PSMG2: variants seen among roughly 807,000 people sequenced by gnomAD.
PSMG2 encodes the protein proteasome assembly chaperone 2.
A neutral mutation model predicts 31.5 loss-of-function variants in PSMG2; 21 were observed. That is an observed-to-expected ratio of 0.67 (90% CI 0.47 to 0.96). The LOEUF is 0.96. Among genes scored for constraint, PSMG2 ranks in the 40% least tolerant of loss-of-function variants. PSMG2 has a pLI of 0.00. For missense variants in PSMG2, 318 were observed against 321.2 expected (o/e 0.99, Z 0.08); for synonymous variants, 120 against 110.4 (o/e 1.09, Z -0.54).
intron 1 of PSMG2, among the ~76,000 whole-genome samples, chr18:12,680,248 A>T (rs1210544446): frequency 6.6e-6 from 1 of 152,136 alleles, no homozygotes; most frequent in Non-Finnish European, 1.5e-5. Flanking sequence ...AAAATCATCA[A>T]CACGTACCTT....
At chr18:12,722,940 C>T (rs753512876) in intron 5 of PSMG2, among the ~76,000 whole-genome samples, 2 of 152,164 alleles carry the variant, frequency 1.3e-5, no homozygotes, top group East Asian at 1.9e-4. Context: ...TCACAGCAGA[C>T]GCATTTAGGA....
At chr18:12,702,838 GC>G (rs2040206070), upstream of PSMG2, 2 of 562,788 alleles carry the variant, frequency 3.6e-6, no homozygotes, top group South Asian at 2.3e-5. Flanking sequence ...CTCCCCGCGG[GC>G]CCCGCACCCC....
intron 1 of PSMG2, among the ~76,000 whole-genome samples, chr18:12,674,325 C>G (rs2039042767): frequency 1.3e-5 from 2 of 151,744 alleles, no homozygotes; most frequent in African/African-American, 4.8e-5. Context: ...GCCTGTGGTC[C>G]CAGTTGCCTG....
At chr18:12,686,781 C>G (rs1373248656) in intron 1 of PSMG2, 1 of 177,642 alleles carries the variant, frequency 5.6e-6, no homozygotes, top group Admixed American at 5.7e-5. Context: ...GAGAGGTGCT[C>G]TAAGCTGAAG....
At chr18:12,674,558 G>T in intron 1 of PSMG2, 2 of 1,613,480 alleles carry the variant, frequency 1.2e-6, no homozygotes, top group South Asian at 1.1e-5. Flanking sequence ...GCAAATGCAC[G>T]TCTTGCATTT....
At chr18:12,709,871 G>C (rs1279736746) in intron 2 of PSMG2, among the ~76,000 whole-genome samples, 3 of 150,468 alleles carry the variant, frequency 2.0e-5, no homozygotes, top group African/African-American at 7.3e-5. Context: ...CCTGACCTCA[G>C]GCAGTTCACC....
intron 1 of PSMG2, among the ~76,000 whole-genome samples, chr18:12,669,654 A>T (rs2038889814): frequency 6.6e-6 from 1 of 152,224 alleles, no homozygotes; most frequent in South Asian, 2.1e-4. Context: ...TACATTTTTA[A>T]TTGAAAAACA....
intron 4 of PSMG2, 32 bp downstream of exon 4, chr18:12,718,667 GT>G (rs1320412845): frequency 4.0e-6 from 6 of 1,498,240 alleles, no homozygotes; most frequent in Admixed American, 1.8e-5. Flanking sequence ...GTTATTTTTG[GT>G]ATGGTTTATA....
intron 1 of PSMG2, among the ~76,000 whole-genome samples, chr18:12,687,906 G>T (rs9954201): frequency 6.6e-6 from 1 of 151,948 alleles, no homozygotes; most frequent in Non-Finnish European, 1.5e-5. Context: ...AATATTAAAA[G>T]AATATCCTCA....
rs1031339650 is a variant in PSMG2, at chr18:12,724,931, C to G, written c.702+312C>G. ...TAATAAACAAGCCTTCTGTGGAATTCAGGAATTTTTTTAGGGAAGTAAAAA... is the reference window on the plus strand; with the variant it reads ...TAATAAACAAGCCTTCTGTGGAATTGAGGAATTTTTTTAGGGAAGTAAAAA... On this transcript the variant is annotated intron_variant, in intron 6 of 6. Coordinates refer to ENST00000317615, the MANE Select transcript of PSMG2 (RefSeq NM_020232.5). 8.4e-5 allele frequency: 31 copies of G among 369,168 alleles called. No homozygotes were observed. In the East Asian group the frequency reaches 1.1e-3, roughly 13 times the overall value. 22.9% of individuals were successfully genotyped at this position (369,168 alleles called of 1,614,324 possible).
At chr18:12,680,329 C>G (rs975404047) in intron 1 of PSMG2, among the ~76,000 whole-genome samples, 1 of 152,138 alleles carries the variant, frequency 6.6e-6, no homozygotes, top group African/African-American at 2.4e-5. Flanking sequence ...GACACAGTGG[C>G]TCACGCCTGT....
chr18:12,700,952 ACT>A (rs770657795), upstream of PSMG2: 10 of 1,608,102 alleles, frequency 6.2e-6, no homozygotes, highest in Non-Finnish European at 6.8e-6. Context: ...CTAAAAGATT[ACT>A]CACAGTAACA....
chr18:12,698,802 C>T (rs188574260), upstream of PSMG2: 14 of 583,234 alleles, frequency 2.4e-5, no homozygotes, highest in Admixed American at 4.5e-4. Context: ...AAATGAATAG[C>T]AAACAGAATA....
At chr18:12,668,123 G>A (rs1484265213) in intron 1 of PSMG2, among the ~76,000 whole-genome samples, 2 of 151,894 alleles carry the variant, frequency 1.3e-5, no homozygotes, top group Non-Finnish European at 2.9e-5. Context: ...AAATTAGCCA[G>A]ACATGTTGGT....
chr18:12,692,462 G>C (rs1426305765), intron 1 of PSMG2: 1 of 152,208 alleles, frequency 6.6e-6, no homozygotes, highest in Non-Finnish European at 1.5e-5. Flanking sequence ...AGCCACACAG[G>C]GCTTTCGGTC....
intron 1 of PSMG2, among the ~76,000 whole-genome samples, chr18:12,690,447 A>C (rs983179261): frequency 6.6e-6 from 1 of 151,426 alleles, no homozygotes; most frequent in African/African-American, 2.4e-5. Context: ...CGTGAACCTG[A>C]CCACATTTTT....
At chr18:12,664,395 C>G (rs918989967) in intron 1 of PSMG2, among the ~76,000 whole-genome samples, 1 of 150,800 alleles carries the variant, frequency 6.6e-6, no homozygotes, top group Non-Finnish European at 1.5e-5. Flanking sequence ...AATTAAAATA[C>G]AAAAATTAGC....
intron 1 of PSMG2, chr18:12,695,244 A>C: frequency 1.6e-6 from 2 of 1,254,860 alleles, no homozygotes; most frequent in South Asian, 2.8e-5. Flanking sequence ...AGAAACTCAT[A>C]AGTATTTACC....
upstream of PSMG2, chr18:12,702,696 G>A (rs1475086344): frequency 8.1e-6 from 7 of 864,934 alleles, no homozygotes; most frequent in African/African-American, 5.4e-5. Flanking sequence ...ACGCAACGCC[G>A]CGTCAGGCCG....
Sources: allele counts gnomAD v4.1 joint callset (sites outside exome capture counted in the v4.1 genomes callset), GRCh38; gene constraint gnomAD v4.1.1; transcripts MANE v1.5; gene names NCBI Gene and HGNC (gene_info 2026-07-23, HGNC 2026-07-21).